Variants in CNTNAP2 observed in about 807,000 individuals in gnomAD.
CNTNAP2 encodes the protein contactin-associated protein-like 2.
A neutral mutation model predicts 155.2 loss-of-function variants in CNTNAP2; 98 were observed. The observed-to-expected ratio is 0.63, with a 90% CI of 0.54 to 0.75. The LOEUF (loss-of-function observed/expected upper bound fraction) is 0.75. Ranked by LOEUF, CNTNAP2 falls within the 30% of genes least tolerant of loss-of-function variation. The pLI is 0.00. For synonymous variants in CNTNAP2, 651 were observed against 631.2 expected (o/e 1.03, Z -0.47); for missense variants, 1,727 against 1,688.1 (o/e 1.02, Z -0.40).
At chr7:147,218,025 C>T (rs1171473243) in intron 8 of CNTNAP2, among the ~76,000 whole-genome samples, 1 of 151,928 alleles carries the variant, frequency 6.6e-6, no homozygotes, top group South Asian at 2.1e-4. Flanking sequence ...TTTACATCCT[C>T]TCTTCTTTTT....
intron 3 of CNTNAP2, among the ~76,000 whole-genome samples, chr7:146,844,280 G>T (rs534045331): frequency 6.6e-6 from 1 of 152,212 alleles, no homozygotes; most frequent in African/African-American, 2.4e-5. Flanking sequence ...TCAAAGATCT[G>T]AGTTTCTAAA....
chr7:148,172,388 T>G lies in CNTNAP2; in HGVS notation c.2920T>G (p.Cys974Gly). ...CCATTGCACCAGCTATGGAACAAAC[T>G]GTGAAAATGGAGGCAAATGCCTAGA... ...SGHCTSYGTN[C>G]ENGGKCLERY... Residue 974 changes from cysteine (C) to glycine (G), a missense_variant, in exon 18 of 24, where the codon TGT (cysteine) becomes GGT (glycine). Coordinates refer to ENST00000361727, the MANE Select transcript of CNTNAP2 (RefSeq NM_014141.6). The G allele has an allele frequency of 6.2e-7, 1 of 1,614,110 alleles. No homozygotes were observed. The highest frequency in any genetic ancestry group is 8.5e-7 in the Non-Finnish European group (1 of 1,180,016).
At chr7:146,875,449 T>G (rs1795399086) in intron 3 of CNTNAP2, among the ~76,000 whole-genome samples, 1 of 152,168 alleles carries the variant, frequency 6.6e-6, no homozygotes, top group Non-Finnish European at 1.5e-5. Flanking sequence ...TGTAAATCCT[T>G]TCTCTGACTC....
At chr7:147,660,415 C>T (rs1563042574) in intron 13 of CNTNAP2, among the ~76,000 whole-genome samples, 3 of 152,164 alleles carry the variant, frequency 2.0e-5, no homozygotes, top group Admixed American at 2.0e-4. Context: ...TCTTCCTCAC[C>T]CTTCCCAATT....
intron 8 of CNTNAP2, among the ~76,000 whole-genome samples, chr7:147,230,953 C>T (rs1356421430): frequency 6.6e-6 from 1 of 152,166 alleles, no homozygotes; most frequent in Non-Finnish European, 1.5e-5. Context: ...CTTTAATTGG[C>T]TCACAGATCT....
At chr7:146,429,918 G>C (rs1038013178) in intron 1 of CNTNAP2, among the ~76,000 whole-genome samples, 6 of 152,096 alleles carry the variant, frequency 3.9e-5, no homozygotes, top group Non-Finnish European at 1.5e-5. Context: ...TTTATTGAGA[G>C]TTTTTAACAT....
At chr7:146,296,480 T>C (rs1009955592) in intron 1 of CNTNAP2, among the ~76,000 whole-genome samples, 2 of 152,150 alleles carry the variant, frequency 1.3e-5, no homozygotes, top group African/African-American at 4.8e-5. Flanking sequence ...GACATATGGT[T>C]ACAAAAGCAG....
intron 1 of CNTNAP2, among the ~76,000 whole-genome samples, chr7:146,141,260 A>C (rs1292209651): frequency 6.6e-6 from 1 of 152,160 alleles, no homozygotes; most frequent in African/African-American, 2.4e-5. Flanking sequence ...TGTGAGTAAA[A>C]CATCTGACTA....
chr7:147,771,784 T>G (rs1797472841), intron 13 of CNTNAP2, among the ~76,000 whole-genome samples: 2 of 152,164 alleles, frequency 1.3e-5, no homozygotes, highest in Non-Finnish European at 2.9e-5. Flanking sequence ...CTTTTTGTAA[T>G]CTTTACTGTA....
chr7:148,138,844 C>T (rs1205045976), intron 16 of CNTNAP2, among the ~76,000 whole-genome samples: 1 of 152,156 alleles, frequency 6.6e-6, no homozygotes, highest in Non-Finnish European at 1.5e-5. Flanking sequence ...AGCCACATAT[C>T]ATTTTGGAAC....
At position 146,163,519 on chromosome 7, in the gene CNTNAP2, ATATATATC is replaced by A. The variant is rs1256109999; in HGVS notation, c.97+46554_97+46561del. On this transcript the variant is annotated intron_variant, in intron 1 of 23. Coordinates refer to ENST00000361727, the MANE Select transcript of CNTNAP2 (RefSeq NM_014141.6). Reference sequence around the variant, plus strand: ...TATATCTATATATCTATATATATCTATATATATCTATATATATCTATATCTATATATCT... The same window carrying A: ...TATATCTATATATCTATATATATCTATATATATATCTATATCTATATATCT... 4.6e-3 allele frequency among the ~76,000 whole-genome samples: 668 copies of A among 145,434 alleles called. 3 individuals carry two copies. The highest frequency in any genetic ancestry group is 0.015 in the African/African-American group (598 of 39,406).
At chr7:148,136,759 A>G (rs530674587) in intron 16 of CNTNAP2, among the ~76,000 whole-genome samples, 1 of 152,292 alleles carries the variant, frequency 6.6e-6, no homozygotes, top group East Asian at 1.9e-4. Flanking sequence ...GAGCTACTCT[A>G]CAGAAAAATC....
intron 13 of CNTNAP2, among the ~76,000 whole-genome samples, chr7:147,771,208 G>A (rs756508737): frequency 8.5e-5 from 13 of 152,186 alleles, no homozygotes; most frequent in East Asian, 1.9e-4. Flanking sequence ...ATTCTTGGTT[G>A]ATGACAGATT....
Position 146,875,906 on chromosome 7 carries a change from G to GCACA in CNTNAP2, c.402+36019_402+36022dup, listed in dbSNP as rs144916213. Among the ~76,000 whole-genome samples, 709 of 92,884 alleles carry GCACA rather than the reference G, an allele frequency of 7.6e-3. 15 individuals are homozygous for GCACA. The highest frequency in any genetic ancestry group is 0.03 in the African/African-American group (667 of 22,338). The allele number at this position is 92,884 out of a possible 152,430, so 60.9% of individuals were successfully genotyped here. A position where few individuals can be genotyped will look rare whatever the true frequency, so the allele number is the denominator to read the frequency against. The stretch of plus-strand genomic sequence containing the variant: ...AACACACACACACACATACACACAC[G>GCACA]CACACACACACACACACACATACAC... On this transcript the variant is annotated intron_variant, in intron 3 of 23. Coordinates refer to ENST00000361727, the MANE Select transcript of CNTNAP2 (RefSeq NM_014141.6).
chr7:148,312,003 G>A (rs62470580), intron 21 of CNTNAP2, among the ~76,000 whole-genome samples: 30,892 of 152,142 alleles, frequency 0.2, 3,176 homozygotes, highest in South Asian at 0.33. Context: ...AGGAGCCGGG[G>A]AGCAGAAAGT....
intron 3 of CNTNAP2, among the ~76,000 whole-genome samples, chr7:146,967,923 T>A (rs1797691445): frequency 6.6e-6 from 1 of 151,468 alleles, no homozygotes; most frequent in Non-Finnish European, 1.5e-5. Flanking sequence ...TTTTGCGCAT[T>A]CAGTATGATA....
chr7:146,508,306 C>G (rs2129134690), intron 1 of CNTNAP2, among the ~76,000 whole-genome samples: 1 of 152,250 alleles, frequency 6.6e-6, no homozygotes, highest in East Asian at 1.9e-4. Flanking sequence ...TATTTGGAGT[C>G]TGAATTCTCT....
At chr7:148,056,676 A>G (rs1350881918) in intron 15 of CNTNAP2, 1 of 152,196 alleles carries the variant, frequency 6.6e-6, no homozygotes, top group Non-Finnish European at 1.5e-5. Context: ...TTGATGGGGT[A>G]AGTTTTTTTG....
intron 1 of CNTNAP2, among the ~76,000 whole-genome samples, chr7:146,737,296 C>T (rs1801637607): frequency 6.6e-6 from 1 of 152,050 alleles, no homozygotes; most frequent in Admixed American, 6.6e-5. Context: ...GAAAACTTCA[C>T]TTCAACTCAG....
Sources: gnomAD v4.1 joint callset for allele counts (sites outside exome capture counted in the v4.1 genomes callset) on GRCh38, gnomAD v4.1.1 for gene constraint, MANE v1.5 for transcripts, NCBI Gene and HGNC (gene_info 2026-07-23, HGNC 2026-07-21) for gene names.